The following ARHGEF38 variants were observed in gnomAD, a reference collection of about 807,000 sequenced individuals.
ARHGEF38 encodes the protein Rho guanine nucleotide exchange factor 38.
A neutral mutation model predicts 79.9 loss-of-function variants in ARHGEF38; 79 were observed. That is an observed-to-expected ratio of 0.99 (90% CI 0.82 to 1.19). The LOEUF (loss-of-function observed/expected upper bound fraction) is 1.19, where lower values mean the gene tolerates loss of function less well. Ranked by LOEUF, ARHGEF38 falls within the 50% of genes most tolerant of loss-of-function variation. The pLI is 0.00. For missense variants in ARHGEF38, 962 were observed against 907.2 expected (o/e 1.06, Z -0.78); for synonymous variants, 366 against 328.3 (o/e 1.11, Z -1.24).
chr4:105,645,912 G>T (rs1465685324), intron 6 of ARHGEF38, among the ~76,000 whole-genome samples: 2 of 152,164 alleles, frequency 1.3e-5, no homozygotes, highest in East Asian at 1.9e-4. Context: ...GCAAATTATT[G>T]TTAACTATTT....
In ARHGEF38 at chr4:105,678,067, T is replaced by G; in HGVS notation, c.*130T>G. 2 of 671,270 alleles carry G rather than the reference T, an allele frequency of 3.0e-6. No individual in the cohort carries two copies. Among genetic ancestry groups the G allele is most frequent in the South Asian group, 6.1e-5 (2 of 32,688 alleles). 41.6% of individuals were successfully genotyped at this position (671,270 alleles called of 1,614,324 possible). A position where few individuals can be genotyped will look rare whatever the true frequency, so the allele number is the denominator to read the frequency against. ...ACAGAAACTGATACTGTACTGGGTT[T>G]TCAGGAATACTGTACTTCCTAACAG... is the stretch of plus-strand genomic sequence containing the variant. On this transcript the variant is annotated 3_prime_UTR_variant, in exon 14 of 14. Coordinates refer to ENST00000420470, the MANE Select transcript of ARHGEF38 (RefSeq NM_001242729.2).
chr4:105,631,131 C>T, intron 4 of ARHGEF38, 86 bp downstream of exon 4: 1 of 1,450,480 alleles, frequency 6.9e-7, no homozygotes, highest in South Asian at 1.7e-5. Flanking sequence ...AAAGGTCTCA[C>T]ATAAATCCTA....
At chr4:105,578,306 T>C (rs941516374) in intron 1 of ARHGEF38, among the ~76,000 whole-genome samples, 4 of 152,230 alleles carry the variant, frequency 2.6e-5, no homozygotes, top group Non-Finnish European at 5.9e-5. Context: ...TTATTTTGAC[T>C]TCTCAAAATT....
intron 3 of ARHGEF38, among the ~76,000 whole-genome samples, chr4:105,623,997 G>A (rs1728844286): frequency 6.6e-6 from 1 of 152,070 alleles, no homozygotes; most frequent in Non-Finnish European, 1.5e-5. Context: ...CCCTGGCACT[G>A]GACACAGAGA....
intron 3 of ARHGEF38, 29 bp from the exon 4 acceptor site, chr4:105,630,869 T>A: frequency 6.4e-7 from 1 of 1,572,970 alleles, no homozygotes; most frequent in Non-Finnish European, 8.6e-7. Context: ...TCTGATGATG[T>A]CATTTTGCCT....
chr4:105,601,469 A>T (rs1727818665), intron 2 of ARHGEF38, among the ~76,000 whole-genome samples: 1 of 152,154 alleles, frequency 6.6e-6, no homozygotes, highest in South Asian at 2.1e-4. Flanking sequence ...CAGTAAGGGA[A>T]CAGGGAAATG....
chr4:105,569,289 G>C (rs1033439481), intron 1 of ARHGEF38, among the ~76,000 whole-genome samples: 1 of 152,134 alleles, frequency 6.6e-6, no homozygotes, highest in Non-Finnish European at 1.5e-5. Context: ...CAACATGCCA[G>C]GGCTATATCC....
At chr4:105,601,763 C>T (rs1304309578) in intron 2 of ARHGEF38, among the ~76,000 whole-genome samples, 1 of 152,060 alleles carries the variant, frequency 6.6e-6, no homozygotes, top group Non-Finnish European at 1.5e-5. Flanking sequence ...CCAGAAGGCC[C>T]TTCACATGTC....
intron 10 of ARHGEF38, among the ~76,000 whole-genome samples, chr4:105,665,462 A>C (rs1019373732): frequency 1.3e-5 from 2 of 151,544 alleles, no homozygotes; most frequent in Non-Finnish European, 2.9e-5. Context: ...GTGCCTCTGC[A>C]CTCCAGCCTG....
Position 105,554,120 on chromosome 4 carries a change from A to T in ARHGEF38, c.196+1159A>T, listed in dbSNP as rs528078214. On this transcript the variant is annotated intron_variant, in intron 1 of 13. Transcript: ENST00000420470. Reference sequence around the variant, plus strand: ...TCTTATCCTCAAATACTTTTTTTTTAAAATGAGGGAGAGCATTGTTTAATC... The same window carrying T: ...TCTTATCCTCAAATACTTTTTTTTTTAAATGAGGGAGAGCATTGTTTAATC... Among the ~76,000 whole-genome samples, 1,074 of 151,920 alleles carry T rather than the reference A, an allele frequency of 7.1e-3. 10 individuals are homozygous for T. The highest frequency in any genetic ancestry group is 0.018 in the Admixed American group (270 of 15,252).
chr4:105,599,892 CA>C (rs545031816), intron 2 of ARHGEF38, among the ~76,000 whole-genome samples: 163 of 152,116 alleles, frequency 1.1e-3, no homozygotes, highest in Admixed American at 2.7e-3. Context: ...TTTGTGTCAT[CA>C]AAAAACTAAG....
intron 3 of ARHGEF38, among the ~76,000 whole-genome samples, chr4:105,617,691 G>A (rs1728563359): frequency 6.6e-6 from 1 of 151,994 alleles, no homozygotes; most frequent in African/African-American, 2.4e-5. Context: ...ATCAAATGGA[G>A]AAAATAACTT....
intron 1 of ARHGEF38, among the ~76,000 whole-genome samples, chr4:105,567,362 G>A (rs1349536406): frequency 6.6e-6 from 1 of 152,042 alleles, no homozygotes; most frequent in African/African-American, 2.4e-5. Flanking sequence ...CAGTGCTTTG[G>A]CAACTTGACT....
At position 105,648,661 on chromosome 4, in the gene ARHGEF38, T is replaced by C. The variant is rs71599065; in HGVS notation, c.987T>C (p.Ile329=). Residue 329 remains isoleucine (I), a synonymous_variant, in exon 7 of 14, where the codon ATT becomes ATC. Coordinates refer to ENST00000420470, the MANE Select transcript of ARHGEF38 (RefSeq NM_001242729.2). ...AAAGAGTGACAAATCATCTGAAGAT[T>C]CTGACCAGAGGAGAATCACAGGTAA... ...KSKRVTNHLK[I]LTRGESQVKD... 2 of 1,530,490 alleles carry C rather than the reference T, an allele frequency of 1.3e-6. No homozygotes were observed. The highest frequency in any genetic ancestry group is 2.0e-5 in the Admixed American group (1 of 49,676). 94.8% of individuals were successfully genotyped at this position (1,530,490 alleles called of 1,614,324 possible).
intron 7 of ARHGEF38, among the ~76,000 whole-genome samples, chr4:105,653,428 C>A (rs199752297): frequency 6.6e-6 from 1 of 151,442 alleles, no homozygotes; most frequent in South Asian, 2.1e-4. Flanking sequence ...GTTCAAGCGA[C>A]TCTCCTGCCT....
chr4:105,584,618 C>T (rs1024525030), intron 1 of ARHGEF38, among the ~76,000 whole-genome samples: 2 of 152,188 alleles, frequency 1.3e-5, no homozygotes, highest in African/African-American at 4.8e-5. Flanking sequence ...ACTATATCTA[C>T]ATCTCTCTCT....
intron 3 of ARHGEF38, among the ~76,000 whole-genome samples, chr4:105,621,809 T>G (rs1728744948): frequency 6.6e-6 from 1 of 152,194 alleles, no homozygotes. Flanking sequence ...CAACTGGGAC[T>G]GGTTGGGAGG....
At chr4:105,654,211 C>G in intron 8 of ARHGEF38, 42 bp downstream of exon 8, 1 of 1,130,100 alleles carries the variant, frequency 8.8e-7, no homozygotes, top group Non-Finnish European at 1.2e-6. Flanking sequence ...ACAGGAACAT[C>G]TGATACAAAC....
chr4:105,618,843 C>T (rs575625929), intron 3 of ARHGEF38, among the ~76,000 whole-genome samples: 4 of 152,212 alleles, frequency 2.6e-5, no homozygotes, highest in South Asian at 2.1e-4. Flanking sequence ...AGGCCAGCCA[C>T]CTTTATCTAG....
Sources: gnomAD v4.1 joint callset for allele counts (sites outside exome capture counted in the v4.1 genomes callset) on GRCh38, gnomAD v4.1.1 for gene constraint, MANE v1.5 for transcripts, NCBI Gene and HGNC (gene_info 2026-07-23, HGNC 2026-07-21) for gene names.